CEP250: variants seen among roughly 807,000 people sequenced by gnomAD.
CEP250 encodes centrosome-associated protein CEP250.
A neutral mutation model predicts 315.7 loss-of-function variants in CEP250; 242 were observed. That is an observed-to-expected ratio of 0.77 (90% CI 0.69 to 0.85). The LOEUF is 0.85. Ranked by LOEUF, CEP250 falls within the 40% of genes least tolerant of loss-of-function variation. The pLI is 0.00. For synonymous variants in CEP250, 1,088 were observed against 1,175.0 expected (o/e 0.93, Z 1.51); for missense variants, 2,515 against 2,886.4 (o/e 0.87, Z 2.95).
Position 35,480,121 on chromosome 20 carries a change from G to C in CEP250, c.2562G>C (p.Glu854Asp), listed in dbSNP as rs746628210. The change falls in exon 20 of 35, where the codon GAG becomes GAC. Residue 854 changes from glutamate (E) to aspartate (D), a missense_variant. Physicochemically the swap from Glu to Asp is conservative, Grantham distance 45. Transcript: ENST00000397527. ...LEQQKAAHEK[E>D]VNQLREKWEK... ...AGCAGAAGGCAGCCCATGAGAAAGA[G>C]GTGAACCAGCTCCGGGAGAAATGGG... 6.2e-7 allele frequency: 1 copy of C among 1,612,312 alleles called. No homozygotes were observed.
chr20:35,478,141 T>C (rs2063227434), intron 17 of CEP250, 40 bp downstream of exon 17: 2 of 1,280,464 alleles, frequency 1.6e-6, no homozygotes, highest in Middle Eastern at 3.7e-4. Context: ...CTAGGTGTAA[T>C]ATATGCTCAT....
In CEP250 at chr20:35,514,849, A is replaced by G. The variant is rs1393566776; in HGVS notation, c.*3223A>G. The G allele has an allele frequency of 2.6e-5, 4 of 152,222 alleles. No homozygotes were observed. Among genetic ancestry groups the G allele is most frequent in the Non-Finnish European group, 5.9e-5 (4 of 68,062 alleles). 9.4% of individuals were successfully genotyped at this position (152,222 alleles called of 1,614,324 possible). A position where few individuals can be genotyped will look rare whatever the true frequency, so the allele number is the denominator to read the frequency against. On this transcript the variant is annotated 3_prime_UTR_variant, in exon 35 of 35. Coordinates refer to ENST00000397527, the MANE Select transcript of CEP250 (RefSeq NM_007186.6). ...TAGGTCTGGAGGCTTCGACACCCAC[A>G]GCATGTGGGTGTTCTCATGCAGGCC... is the stretch of plus-strand genomic sequence containing the variant.
At position 35,473,311 on chromosome 20, in the gene CEP250, G is replaced by A. The variant is rs190740009; in HGVS notation, c.1210-63G>A. ...ACCCCCTTCTCCAGCCCCACTTTCGGGGTTCTGACATCCCTCCTTTGCCCT... is the reference window on the plus strand; with the variant it reads ...ACCCCCTTCTCCAGCCCCACTTTCGAGGTTCTGACATCCCTCCTTTGCCCT... On this transcript the variant is annotated intron_variant, in intron 12 of 34. Transcript: ENST00000397527. The A allele has an allele frequency of 7.8e-4, 1,128 of 1,454,006 alleles. 1 individual carries two copies. The highest frequency in any genetic ancestry group is 9.8e-4 in the Non-Finnish European group (1,053 of 1,072,714). The allele number at this position is 1,454,006 out of a possible 1,614,324, so 90.1% of individuals were successfully genotyped here. A position where few individuals can be genotyped will look rare whatever the true frequency, so the allele number is the denominator to read the frequency against.
chr20:35,502,950 G>A lies in CEP250; in HGVS notation c.4581G>A (p.Gln1527=). Residue 1527 remains glutamine, a synonymous_variant, in exon 30 of 35, where the codon CAG becomes CAA. Coordinates refer to ENST00000397527, the MANE Select transcript of CEP250 (RefSeq NM_007186.6). The stretch of plus-strand genomic sequence containing the variant: ...CTCAGAGGAACGTCTTGGAGCATCA[G>A]CTTCTAGAACTTGAGAAGAAAGACC... ...RETQRNVLEH[Q]LLELEKKDQM... is the part of the protein sequence containing the mutation. The A allele has an allele frequency of 6.2e-7, 1 of 1,614,236 alleles. No homozygotes were observed. Among genetic ancestry groups the A allele is most frequent in the Non-Finnish European group, 8.5e-7 (1 of 1,180,042 alleles).
rs759362859 is a variant in CEP250 at position 35,472,158 on chromosome 20, G to A, written c.1050+7G>A. On this transcript the variant is annotated splice_region_variant and intron_variant, in intron 11 of 34. Coordinates refer to ENST00000397527, the MANE Select transcript of CEP250 (RefSeq NM_007186.6). ...GATCAAGGATATAACCCAGGTACTGGGAAGCCTCCTGTTCATGGTAACCAG... is the reference window on the plus strand; with the variant it reads ...GATCAAGGATATAACCCAGGTACTGAGAAGCCTCCTGTTCATGGTAACCAG... 5.8e-6 allele frequency: 9 copies of A among 1,559,636 alleles called. No homozygotes were observed. Among genetic ancestry groups the A allele is most frequent in the Non-Finnish European group, 8.0e-6 (9 of 1,130,674 alleles).
chr20:35,497,790 G>A lies in CEP250; in HGVS notation c.3378G>A (p.Glu1126=), dbSNP rs2063883128. The part of the protein sequence containing the change: ...DFLAQEAQLL[E]ELEASHITEQ... Reference sequence around the variant, plus strand: ...TGGCCCAGGAAGCACAGCTGCTGGAGGAGCTGGAGGCGTCTCATATCACGG... The same window carrying A: ...TGGCCCAGGAAGCACAGCTGCTGGAAGAGCTGGAGGCGTCTCATATCACGG... Residue 1126 remains glutamate, a synonymous_variant, in exon 26 of 35, where the codon GAG becomes GAA. Transcript: ENST00000397527. 2 of 1,560,870 alleles carry A rather than the reference G, an allele frequency of 1.3e-6. No homozygotes were observed. The highest frequency in any genetic ancestry group is 8.7e-7 in the Non-Finnish European group (1 of 1,151,940).
At chr20:35,482,098 TAGATA>T (rs1568791234) in intron 20 of CEP250, among the ~76,000 whole-genome samples, 7 of 151,430 alleles carry the variant, frequency 4.6e-5, no homozygotes, top group South Asian at 2.1e-4. Context: ...GATAGATAGA[TAGATA>T]GATTCACTAA....
chr20:35,496,641 C>T lies in CEP250; in HGVS notation c.3232C>T (p.Arg1078Ter), dbSNP rs749874788. ...TGTTTTACAAGAAGCTGACTCTATT[C>T]GACAACAAGAGCTGAGTGCCCTGCG... ...LLVLQEADSI[R>*]QQELSALRQD... Residue 1078 changes from arginine to a stop codon, truncating the protein, a stop_gained, in exon 25 of 35, where the codon CGA becomes TGA. Coordinates refer to ENST00000397527, the MANE Select transcript of CEP250 (RefSeq NM_007186.6). LOFTEE classifies it high-confidence loss of function. 1.9e-6 allele frequency: 3 copies of T among 1,613,880 alleles called. No homozygotes were observed. Among genetic ancestry groups the T allele is most frequent in the East Asian group, 2.2e-5 (1 of 44,888 alleles).
At chr20:35,508,331 C>A in intron 32 of CEP250, 141 bp downstream of exon 32, 1 of 904,124 alleles carries the variant, frequency 1.1e-6, no homozygotes, top group East Asian at 2.6e-5. Flanking sequence ...TTTTTTTTCC[C>A]GAGACAGAGT....
chr20:35,506,551 A>G (rs1346318983), intron 30 of CEP250, among the ~76,000 whole-genome samples: 3 of 151,996 alleles, frequency 2.0e-5, no homozygotes, highest in Admixed American at 2.0e-4. Context: ...AGGGAAATAG[A>G]CTCTACATCC....
rs749187130 is a variant in CEP250, at chr20:35,479,790, G to T, written c.2416+17G>T. 1.2e-6 allele frequency: 2 copies of T among 1,614,098 alleles called. No individual in the cohort carries two copies. The highest frequency in any genetic ancestry group is 1.7e-6 in the Non-Finnish European group (2 of 1,179,968). ...TAATCCAAGGTGAGAACCCAACTGG[G>T]ATGGGATGCACTCCATTCCATGGAG... On this transcript the variant is annotated intron_variant, in intron 19 of 34. Coordinates refer to ENST00000397527, the MANE Select transcript of CEP250 (RefSeq NM_007186.6).
At chr20:35,465,006 T>G (rs1186883780) in intron 5 of CEP250, among the ~76,000 whole-genome samples, 1 of 152,208 alleles carries the variant, frequency 6.6e-6, no homozygotes, top group African/African-American at 2.4e-5. Context: ...TGGGATGAAA[T>G]TCCAGCATAA....
chr20:35,464,151 T>C (rs2062819643), intron 5 of CEP250, among the ~76,000 whole-genome samples: 1 of 152,198 alleles, frequency 6.6e-6, no homozygotes, highest in African/African-American at 2.4e-5. Context: ...CAGATGGTCC[T>C]CCCCAACTTA....
At chr20:35,465,902 G>A in intron 6 of CEP250, 77 bp downstream of exon 6, 1 of 1,518,530 alleles carries the variant, frequency 6.6e-7, no homozygotes. Context: ...TCTGCCCTGA[G>A]GGCTAATGTG....
Position 35,496,629 on chromosome 20 carries a change from G to A in CEP250, c.3220G>A (p.Ala1074Thr). ...KEQRLLVLQE[A>T]DSIRQQELSA... is the part of the protein sequence containing the mutation. ...ACAGAGACTCCTTGTTTTACAAGAAGCTGACTCTATTCGACAACAAGAGCT... is the reference window on the plus strand; with the variant it reads ...ACAGAGACTCCTTGTTTTACAAGAAACTGACTCTATTCGACAACAAGAGCT... The change falls in exon 25 of 35, where the codon GCT (alanine) becomes ACT (threonine). Residue 1074 changes from alanine to threonine, a missense_variant. Coordinates refer to ENST00000397527, the MANE Select transcript of CEP250 (RefSeq NM_007186.6). 6.2e-7 allele frequency: 1 copy of A among 1,614,144 alleles called. No individual in the cohort carries two copies.
At chr20:35,497,462 T>G (rs1353206141) in intron 25 of CEP250, among the ~76,000 whole-genome samples, 2 of 152,198 alleles carry the variant, frequency 1.3e-5, no homozygotes, top group East Asian at 3.9e-4. Context: ...GGAGCCAGCA[T>G]ATCTGCCCAG....
At chr20:35,479,035 G>A (rs997770691) in intron 17 of CEP250, among the ~76,000 whole-genome samples, 196 bp from the exon 18 acceptor site, 1 of 152,176 alleles carries the variant, frequency 6.6e-6, no homozygotes, top group African/African-American at 2.4e-5. Context: ...TTGCTCACAG[G>A]GGAGCATTCT....
intron 21 of CEP250, 71 bp from the exon 22 acceptor site, chr20:35,491,141 G>A: frequency 1.3e-6 from 2 of 1,556,226 alleles, no homozygotes; most frequent in Non-Finnish European, 1.7e-6. Context: ...CAGCTGGGAT[G>A]TGCTTGTGGC....
At position 35,479,640 on chromosome 20, in the gene CEP250, T is replaced by G. The variant is rs1232909369; in HGVS notation, c.2289-6T>G. The G allele has an allele frequency of 1.2e-6, 2 of 1,613,986 alleles. No individual in the cohort carries two copies. The highest frequency in any genetic ancestry group is 2.7e-5 in the African/African-American group (2 of 74,926). On this transcript the variant is annotated splice_polypyrimidine_tract_variant and splice_region_variant and intron_variant, in intron 18 of 34. Transcript: ENST00000397527. ...AAGAAACTCTTCTGATTCCTGAACC[T>G]CACAGCTCAGCCAAGGAGCTACTGG...
Sources: gnomAD v4.1 joint callset for allele counts (sites outside exome capture counted in the v4.1 genomes callset) on GRCh38, gnomAD v4.1.1 for gene constraint, MANE v1.5 for transcripts, NCBI Gene and HGNC (gene_info 2026-07-23, HGNC 2026-07-21) for gene names.